PDE10A: variants seen among roughly 807,000 people sequenced by gnomAD.
PDE10A encodes the protein cAMP and cAMP-inhibited cGMP 3',5'-cyclic phosphodiesterase 10A.
A neutral mutation model predicts 97.7 loss-of-function variants in PDE10A; 39 were observed. That is an observed-to-expected ratio of 0.40 (90% confidence interval 0.31 to 0.52). The LOEUF is 0.52. PDE10A is among the 20% of genes least tolerant of loss of function. The probability of loss-of-function intolerance (pLI) is 0.56; values close to 1 mark genes in which losing one functional copy is unlikely to be tolerated. For synonymous variants in PDE10A, 371 were observed against 376.8 expected (o/e 0.98, Z 0.18); for missense variants, 731 against 1,047.8 (o/e 0.70, Z 4.17).
At chr6:165,512,207 C>A (rs1346831947) in intron 2 of PDE10A, among the ~76,000 whole-genome samples, 23 of 151,692 alleles carry the variant, frequency 1.5e-4, no homozygotes, top group Admixed American at 1.5e-3. Flanking sequence ...GAGTTTTATA[C>A]TTTTATATGT....
chr6:165,704,192 C>G (rs1414937774), intron 1 of PDE10A, among the ~76,000 whole-genome samples: 1 of 152,152 alleles, frequency 6.6e-6, no homozygotes, highest in Non-Finnish European at 1.5e-5. Context: ...TGGCTGCGGT[C>G]CTTGAACAAT....
At chr6:165,986,922 A>G (rs886971159) in intron 1 of PDE10A, among the ~76,000 whole-genome samples, 1 of 151,102 alleles carries the variant, frequency 6.6e-6, no homozygotes. Flanking sequence ...GGGACTCCGG[A>G]CCCCCTCCTC....
At chr6:165,901,832 A>G (rs575774147) in intron 1 of PDE10A, among the ~76,000 whole-genome samples, 2 of 149,302 alleles carry the variant, frequency 1.3e-5, no homozygotes. Context: ...TGTTTTTCTC[A>G]TTTTCTTTGT....
intron 1 of PDE10A, among the ~76,000 whole-genome samples, chr6:165,741,134 C>T (rs1404100946): frequency 6.6e-6 from 1 of 151,956 alleles, no homozygotes; most frequent in Non-Finnish European, 1.5e-5. Flanking sequence ...CACCACATAC[C>T]TACAAAAAGG....
chr6:165,431,359 T>C, intron 8 of PDE10A, 63 bp downstream of exon 8: 2 of 1,033,800 alleles, frequency 1.9e-6, no homozygotes, highest in Non-Finnish European at 2.9e-6. Flanking sequence ...CGGTCTTCAA[T>C]GCCTCACTCC....
intron 2 of PDE10A, among the ~76,000 whole-genome samples, chr6:165,485,008 G>GA (rs1371372394): frequency 1.3e-5 from 2 of 152,184 alleles, no homozygotes; most frequent in Non-Finnish European, 2.9e-5. Flanking sequence ...CCAATGAAAA[G>GA]AAAGCTGCAT....
intron 1 of PDE10A, among the ~76,000 whole-genome samples, chr6:165,757,825 A>C (rs1793152736): frequency 1.3e-5 from 2 of 152,168 alleles, no homozygotes; most frequent in Non-Finnish European, 1.5e-5. Context: ...AATTAAAAAT[A>C]ATTTTTATGT....
At chr6:165,502,202 T>C (rs1447955127) in intron 2 of PDE10A, among the ~76,000 whole-genome samples, 2 of 152,166 alleles carry the variant, frequency 1.3e-5, no homozygotes, top group African/African-American at 4.8e-5. Context: ...TATATTGAGT[T>C]AGGCAATGAT....
rs577219270 is a variant in PDE10A, at chr6:165,846,301, C to G, written c.-615+141228G>C. 2.0e-5 allele frequency among the ~76,000 whole-genome samples: 3 copies of G among 152,334 alleles called. No individual in the cohort carries two copies. The South Asian group carries it at 6.2e-4, about 32-fold the overall frequency. ...AGCCCTGCCAAGTTTCCAGAGAAGCCTGTAATTATCATTCCACCCCCTCCA... is the reference window on the plus strand; with the variant it reads ...AGCCCTGCCAAGTTTCCAGAGAAGCGTGTAATTATCATTCCACCCCCTCCA... On this transcript the variant is annotated intron_variant, in intron 1 of 19. Transcript: ENST00000366882.
chr6:165,891,577 T>G (rs1435854106), intron 1 of PDE10A, among the ~76,000 whole-genome samples: 2 of 152,042 alleles, frequency 1.3e-5, no homozygotes, highest in Non-Finnish European at 2.9e-5. Context: ...AAGAGGATGC[T>G]GCCTGTCCCT....
At chr6:165,832,911 ACT>A in intron 1 of PDE10A, among the ~76,000 whole-genome samples, 1 of 152,008 alleles carries the variant, frequency 6.6e-6, no homozygotes, top group Non-Finnish European at 1.5e-5. Context: ...GTTGGCGAGG[ACT>A]CTTTCATAAG....
intron 1 of PDE10A, among the ~76,000 whole-genome samples, chr6:165,850,390 G>T (rs1279895409): frequency 1.3e-5 from 2 of 152,198 alleles, no homozygotes; most frequent in Non-Finnish European, 2.9e-5. Context: ...CACATTTGTA[G>T]AACAGAAATC....
At position 165,807,798 on chromosome 6, in the gene PDE10A, C is replaced by T. The variant is rs1264203912; in HGVS notation, c.-615+179731G>A. 9.2e-5 allele frequency among the ~76,000 whole-genome samples: 14 copies of T among 152,202 alleles called. No individual in the cohort carries two copies. In the East Asian group the frequency reaches 9.7e-4, roughly 11 times the overall value. ...ACCCTTGGGCTCTGGAAGTCAGCAA[C>T]GATAACTTTTTCAGTTTGGCCTGAA... On this transcript the variant is annotated intron_variant, in intron 1 of 19. Transcript: ENST00000366882.
chr6:165,480,860 G>A lies in PDE10A; in HGVS notation c.1023+1455C>T, dbSNP rs145444140. Among the ~76,000 whole-genome samples, 169 of 152,202 alleles carry A rather than the reference G, an allele frequency of 1.1e-3. 1 individual carries two copies. The highest frequency in any genetic ancestry group is 3.9e-3 in the African/African-American group (163 of 41,536). ...GTCAAATAAGTATTGATCAAGATAC[G>A]GGGTACGTTTTTTCAAAAAAACGTT... On this transcript the variant is annotated intron_variant, in intron 3 of 21. Transcript: ENST00000539869.
At chr6:165,442,244 C>T (rs953884317) in intron 5 of PDE10A, among the ~76,000 whole-genome samples, 1 of 152,042 alleles carries the variant, frequency 6.6e-6, no homozygotes, top group Non-Finnish European at 1.5e-5. Flanking sequence ...CTGCACCCAT[C>T]AACTCGTCAT....
intron 1 of PDE10A, among the ~76,000 whole-genome samples, chr6:165,842,766 A>T (rs1424653359): frequency 6.6e-6 from 1 of 152,228 alleles, no homozygotes; most frequent in African/African-American, 2.4e-5. Context: ...ACAGCAAGTT[A>T]GTGGTGGAAG....
At chr6:165,569,587 A>G (rs1482971591) in intron 1 of PDE10A, among the ~76,000 whole-genome samples, 2 of 152,190 alleles carry the variant, frequency 1.3e-5, no homozygotes, top group Non-Finnish European at 2.9e-5. Flanking sequence ...AGCCTGTGAC[A>G]GTCTTCCCTC....
rs112210226 is a variant in PDE10A at position 165,504,137 on chromosome 6, T to C, written c.995-21794A>G. On this transcript the variant is annotated intron_variant, in intron 2 of 21. Coordinates refer to ENST00000539869, the MANE Select transcript of PDE10A (RefSeq NM_001385079.1). Reference sequence around the variant, plus strand: ...ATGACAGGGAATAATTCTAGAATCCTACCAAGTAGAGATAGGTAAAACAGT... The same window carrying C: ...ATGACAGGGAATAATTCTAGAATCCCACCAAGTAGAGATAGGTAAAACAGT... 4.3e-3 allele frequency among the ~76,000 whole-genome samples: 656 copies of C among 152,288 alleles called. 6 individuals are homozygous for C. Among genetic ancestry groups the C allele is most frequent in the African/African-American group, 0.015 (606 of 41,570 alleles).
chr6:165,907,758 C>A (rs990870517), intron 1 of PDE10A, among the ~76,000 whole-genome samples: 1 of 151,610 alleles, frequency 6.6e-6, no homozygotes, highest in Non-Finnish European at 1.5e-5. Context: ...GTGGAACAGC[C>A]CAGAGCAGCA....
Sources: allele counts gnomAD v4.1 joint callset (sites outside exome capture counted in the v4.1 genomes callset), GRCh38; gene constraint gnomAD v4.1.1; transcripts MANE v1.5; gene names NCBI Gene and HGNC (gene_info 2026-07-23, HGNC 2026-07-21).